Variants in CDH2 observed in about 807,000 individuals in gnomAD.
The protein encoded by CDH2 is cadherin-2.
CDH2 carries 17 observed loss-of-function variants against 92.0 expected under a neutral mutation model. The observed-to-expected ratio is 0.18, with a 90% CI of 0.13 to 0.28. The LOEUF (loss-of-function observed/expected upper bound fraction) is 0.28. Among genes scored for constraint, CDH2 ranks in the 10% least tolerant of loss-of-function variants. CDH2 has a pLI of 1.00. For synonymous variants in CDH2, 419 were observed against 415.9 expected (o/e 1.01, Z -0.09); for missense variants, 862 against 1,133.1 (o/e 0.76, Z 3.44).
At chr18:27,987,264 A>T (rs947021554) in intron 11 of CDH2, among the ~76,000 whole-genome samples, 1 of 152,236 alleles carries the variant, frequency 6.6e-6, no homozygotes, top group African/African-American at 2.4e-5. Flanking sequence ...AAAAAAGCAT[A>T]AAACAGGTAC....
intron 2 of CDH2, among the ~76,000 whole-genome samples, chr18:28,103,174 A>G (rs1272400485): frequency 6.8e-6 from 1 of 146,438 alleles, no homozygotes; most frequent in Non-Finnish European, 1.5e-5. Context: ...ATATATATAT[A>G]AAGTATATAT....
intron 9 of CDH2, among the ~76,000 whole-genome samples, chr18:27,990,880 C>T (rs931490861): frequency 1.3e-5 from 2 of 152,136 alleles, no homozygotes; most frequent in African/African-American, 4.8e-5. Context: ...ACACATTTTG[C>T]AGTACAAACA....
chr18:28,044,101 T>G (rs1193819710), intron 2 of CDH2, among the ~76,000 whole-genome samples: 1 of 151,568 alleles, frequency 6.6e-6, no homozygotes, highest in Non-Finnish European at 1.5e-5. Flanking sequence ...TTAGTAGAGA[T>G]AGGTTTTCAC....
intron 2 of CDH2, among the ~76,000 whole-genome samples, chr18:28,107,839 T>C (rs1448465114): frequency 6.6e-6 from 1 of 152,102 alleles, no homozygotes; most frequent in African/African-American, 2.4e-5. Context: ...CTAGCCCCGC[T>C]AACACTTTGT....
intron 15 of CDH2, among the ~76,000 whole-genome samples, chr18:27,960,828 G>A (rs1598989850): frequency 1.3e-5 from 2 of 152,000 alleles, no homozygotes; most frequent in South Asian, 2.1e-4. Flanking sequence ...TTTGGAAGAC[G>A]GTTTTTCATA....
At chr18:27,942,719 C>T (rs567226760) in intron 6 of CDH2, among the ~76,000 whole-genome samples, 13 of 152,252 alleles carry the variant, frequency 8.5e-5, no homozygotes, top group African/African-American at 2.9e-4. Context: ...CCCCAGAGCC[C>T]GGAAATGTTA....
chr18:28,159,274 C>T (rs1461414173), intron 1 of CDH2: 1 of 152,176 alleles, frequency 6.6e-6, no homozygotes, highest in African/African-American at 2.4e-5. Flanking sequence ...ATGCTGGGAG[C>T]TCACAGATTC....
intron 2 of CDH2, among the ~76,000 whole-genome samples, chr18:28,086,885 G>A (rs2014941004): frequency 6.6e-6 from 1 of 152,130 alleles, no homozygotes; most frequent in African/African-American, 2.4e-5. Flanking sequence ...AAAATAACCA[G>A]AGAGATTGGG....
intron 14 of CDH2, among the ~76,000 whole-genome samples, chr18:27,978,116 C>T (rs529105137): frequency 6.6e-6 from 1 of 152,218 alleles, no homozygotes; most frequent in South Asian, 2.1e-4. Flanking sequence ...AGGAACTGAC[C>T]ATGATTTTAA....
rs541254969 is a variant in CDH2, at chr18:27,933,199, A to G, written c.1152-75T>C. ...GGATTAACACATACCATTAAACAGGAGGTATACTGATGGTAATATTAAATA... is the reference window on the plus strand; with the variant it reads ...GGATTAACACATACCATTAAACAGGGGGTATACTGATGGTAATATTAAATA... On this transcript the variant is annotated intron_variant, in intron 6 of 6. Coordinates refer to the CDH2 transcript ENST00000675173. 4.6e-5 allele frequency among the ~76,000 whole-genome samples: 7 copies of G among 152,274 alleles called. No homozygotes were observed. In the South Asian group the frequency reaches 1.4e-3, roughly 32 times the overall value.
At chr18:28,094,879 TG>T (rs66520204) in intron 2 of CDH2, among the ~76,000 whole-genome samples, 46,169 of 150,046 alleles carry the variant, frequency 0.31, 7,620 homozygotes, top group African/African-American at 0.41. Flanking sequence ...TTTTAAAAAA[TG>T]AAAGCAAGGA....
At chr18:27,977,111 T>C (rs1792027497) in intron 14 of CDH2, among the ~76,000 whole-genome samples, 1 of 152,138 alleles carries the variant, frequency 6.6e-6, no homozygotes, top group Non-Finnish European at 1.5e-5. Context: ...AAAGCCCTGC[T>C]GTTAGCAGTG....
At chr18:28,129,767 T>G (rs569909554) in intron 2 of CDH2, among the ~76,000 whole-genome samples, 8 of 152,352 alleles carry the variant, frequency 5.3e-5, no homozygotes, top group South Asian at 4.1e-4. Flanking sequence ...AGGCTGCAGC[T>G]GCAGTGAGCT....
chr18:27,958,536 CAT>C (rs1205370233), intron 15 of CDH2, among the ~76,000 whole-genome samples: 4 of 149,046 alleles, frequency 2.7e-5, no homozygotes, highest in African/African-American at 4.9e-5. Context: ...TGTATATACA[CAT>C]ATATAAATAC....
intron 2 of CDH2, among the ~76,000 whole-genome samples, chr18:28,118,487 T>C (rs1268772078): frequency 1.3e-5 from 2 of 152,086 alleles, no homozygotes; most frequent in Admixed American, 6.6e-5. Flanking sequence ...TTAAAAAGAA[T>C]GACACAAAGC....
intron 2 of CDH2, among the ~76,000 whole-genome samples, chr18:28,029,492 T>C (rs2013639682): frequency 6.6e-6 from 1 of 152,126 alleles, no homozygotes; most frequent in Non-Finnish European, 1.5e-5. Flanking sequence ...CCTCTCTTTG[T>C]TATACCCTGA....
intron 7 of CDH2, among the ~76,000 whole-genome samples, chr18:27,998,059 G>A (rs1004039154): frequency 6.6e-6 from 1 of 152,084 alleles, no homozygotes; most frequent in Non-Finnish European, 1.5e-5. Flanking sequence ...GCCCACCTTG[G>A]CCTCCCAAAG....
intron 2 of CDH2, among the ~76,000 whole-genome samples, chr18:28,086,278 A>G (rs1475849878): frequency 6.6e-6 from 1 of 152,156 alleles, no homozygotes; most frequent in African/African-American, 2.4e-5. Context: ...TAACTACCCT[A>G]TAGTCCTTTC....
intron 2 of CDH2, among the ~76,000 whole-genome samples, chr18:28,060,345 C>G (rs573873458): frequency 1.3e-5 from 2 of 152,114 alleles, no homozygotes; most frequent in South Asian, 4.2e-4. Flanking sequence ...GCTACCATAC[C>G]CAGCTAATTT....
Sources: allele counts gnomAD v4.1 joint callset (sites outside exome capture counted in the v4.1 genomes callset), GRCh38; gene constraint gnomAD v4.1.1; transcripts MANE v1.5; gene names NCBI Gene and HGNC (gene_info 2026-07-23, HGNC 2026-07-21).